The following NEDD4L variants were observed in gnomAD, a reference collection of about 807,000 sequenced individuals.
NEDD4L encodes the protein NEDD4 like E3 ubiquitin protein ligase, also known as E3 ubiquitin-protein ligase NEDD4-like.
In NEDD4L, 54 loss-of-function variants were observed where a neutral mutation model predicts 148.9. The observed-to-expected ratio is 0.36, with a 90% CI of 0.29 to 0.45. The LOEUF (loss-of-function observed/expected upper bound fraction) is 0.45. Among genes scored for constraint, NEDD4L ranks in the 20% least tolerant of loss-of-function variants. The pLI is 1.00. For missense variants in NEDD4L, 856 were observed against 1,233.8 expected (o/e 0.69, Z 4.59); for synonymous variants, 433 against 440.7 (o/e 0.98, Z 0.22).
At chr18:58,275,752 T>A (rs117980843) in intron 5 of NEDD4L, among the ~76,000 whole-genome samples, 1,899 of 152,022 alleles carry the variant, frequency 0.012, 19 homozygotes, top group Middle Eastern at 0.024. Context: ...CGGAGATTTG[T>A]GGGTCGGAGG....
intron 5 of NEDD4L, among the ~76,000 whole-genome samples, chr18:58,275,206 C>T (rs1568544216): frequency 1.3e-5 from 2 of 151,842 alleles, no homozygotes; most frequent in Admixed American, 6.6e-5. Flanking sequence ...CTAGAGAAAA[C>T]GTTAAAAATC....
intron 19 of NEDD4L, among the ~76,000 whole-genome samples, chr18:58,358,739 A>T (rs970010494): frequency 1.3e-5 from 2 of 152,184 alleles, no homozygotes; most frequent in Admixed American, 1.3e-4. Flanking sequence ...TTATCAACTT[A>T]GTGTAGACAT....
chr18:58,161,816 AG>A (rs909476947), intron 1 of NEDD4L, among the ~76,000 whole-genome samples: 7 of 152,070 alleles, frequency 4.6e-5, no homozygotes, highest in African/African-American at 1.7e-4. Flanking sequence ...ATGAGAATGA[AG>A]GCTGCTGAGT....
At chr18:58,161,913 C>T (rs945448345) in intron 1 of NEDD4L, among the ~76,000 whole-genome samples, 1 of 152,032 alleles carries the variant, frequency 6.6e-6, no homozygotes, top group Admixed American at 6.6e-5. Context: ...TATGACTGCA[C>T]CTAACTACAA....
intron 1 of NEDD4L, among the ~76,000 whole-genome samples, chr18:58,142,745 A>G (rs9653063): frequency 6.6e-6 from 1 of 152,248 alleles, no homozygotes; most frequent in East Asian, 1.9e-4. Flanking sequence ...CAGACTGTGA[A>G]GACTCTGGAA....
At position 58,211,577 on chromosome 18, in the gene NEDD4L, C is replaced by T. The variant is rs75011761; in HGVS notation, c.123-33850C>T. ...TTAATAAGTAAATTTCTTGTGATTC[C>T]GGTTAGAATTTCCAAAGTGGTGGGT... On this transcript the variant is annotated intron_variant, in intron 2 of 30. Coordinates refer to ENST00000400345, the MANE Select transcript of NEDD4L (RefSeq NM_001144967.3). Among the ~76,000 whole-genome samples the T allele has an allele frequency of 6.5e-3, 988 of 152,160 alleles. 7 individuals carry two copies. Among genetic ancestry groups the T allele is most frequent in the African/African-American group, 0.023 (944 of 41,504 alleles).
At chr18:58,195,299 T>C in intron 2 of NEDD4L, 1 of 617,014 alleles carries the variant, frequency 1.6e-6, no homozygotes, top group South Asian at 1.9e-5. Flanking sequence ...AAGGGCAGCA[T>C]TGTGGGGCTG....
intron 11 of NEDD4L, among the ~76,000 whole-genome samples, chr18:58,331,704 T>G (rs952009309): frequency 3.9e-5 from 6 of 152,130 alleles, no homozygotes; most frequent in African/African-American, 1.4e-4. Flanking sequence ...CTTAAAAATG[T>G]ACAATAGTAA....
At chr18:58,160,364 G>T (rs4941348) in intron 1 of NEDD4L, among the ~76,000 whole-genome samples, 73,724 of 151,976 alleles carry the variant, frequency 0.49, 18,139 homozygotes, top group Admixed American at 0.56. Flanking sequence ...TGATGAAGAA[G>T]TACAAAATTC....
chr18:58,232,102 A>G (rs141825175), intron 2 of NEDD4L, among the ~76,000 whole-genome samples: 1 of 152,298 alleles, frequency 6.6e-6, no homozygotes, highest in Admixed American at 6.5e-5. Flanking sequence ...AGGGAGAAAC[A>G]TACACCCATA....
chr18:58,336,412 C>T (rs1227944688), intron 13 of NEDD4L, among the ~76,000 whole-genome samples: 3 of 152,032 alleles, frequency 2.0e-5, no homozygotes, highest in Non-Finnish European at 4.4e-5. Context: ...CCCGTCTCTA[C>T]TAAAAGTACA....
chr18:58,346,776 A>G (rs970732710), intron 16 of NEDD4L, among the ~76,000 whole-genome samples: 2 of 152,244 alleles, frequency 1.3e-5, no homozygotes, highest in East Asian at 3.8e-4. Context: ...AGAAACAACC[A>G]GGCACACTTT....
At chr18:58,261,382 G>A (rs956359585) in intron 5 of NEDD4L, among the ~76,000 whole-genome samples, 3 of 152,152 alleles carry the variant, frequency 2.0e-5, no homozygotes, top group African/African-American at 7.2e-5. Flanking sequence ...GGTATAGACT[G>A]AGGCTTTTGA....
At chr18:58,162,361 A>G (rs1386631609) in intron 1 of NEDD4L, among the ~76,000 whole-genome samples, 1 of 151,748 alleles carries the variant, frequency 6.6e-6, no homozygotes, top group Admixed American at 6.6e-5. Flanking sequence ...CCCCCCATCA[A>G]ACGGGGCTTG....
intron 2 of NEDD4L, among the ~76,000 whole-genome samples, chr18:58,223,424 T>TGG (rs1176364093): frequency 6.6e-6 from 1 of 152,122 alleles, no homozygotes; most frequent in Non-Finnish European, 1.5e-5. Flanking sequence ...AGTGGTTTGT[T>TGG]TGGTGGATGT....
intron 1 of NEDD4L, chr18:58,091,180 C>T (rs962611864): frequency 3.9e-5 from 6 of 152,264 alleles, no homozygotes; most frequent in African/African-American, 1.2e-4. Context: ...TCTTCTCAGA[C>T]CTCCTGCTGC....
rs141375419 is a variant in NEDD4L, at chr18:58,099,855, C to T, written c.48+55147C>T. The stretch of plus-strand genomic sequence containing the variant: ...AGCACAGACACAATATAGGAAAACT[C>T]TTCAAGGAAAACCAGCCCCAAATAA... On this transcript the variant is annotated intron_variant, in intron 1 of 30. Coordinates refer to ENST00000400345, the MANE Select transcript of NEDD4L (RefSeq NM_001144967.3). 2.0e-3 allele frequency among the ~76,000 whole-genome samples: 302 copies of T among 152,242 alleles called. 2 individuals are homozygous for T. Among genetic ancestry groups the T allele is most frequent in the African/African-American group, 7.0e-3 (290 of 41,522 alleles).
intron 4 of NEDD4L, among the ~76,000 whole-genome samples, chr18:58,250,357 C>A (rs1483121227): frequency 6.6e-6 from 1 of 152,094 alleles, no homozygotes; most frequent in Non-Finnish European, 1.5e-5. Context: ...ACCATGTTGG[C>A]CAGGCTGGTC....
intron 29 of NEDD4L, 116 bp downstream of exon 29, chr18:58,390,858 G>A (rs2049724879): frequency 6.8e-6 from 5 of 733,950 alleles, no homozygotes; most frequent in South Asian, 4.5e-5. Flanking sequence ...TCAGGACAGT[G>A]TGCCATGCAT....
Sources: gnomAD v4.1 joint callset for allele counts (sites outside exome capture counted in the v4.1 genomes callset) on GRCh38, gnomAD v4.1.1 for gene constraint, MANE v1.5 for transcripts, NCBI Gene and HGNC (gene_info 2026-07-23, HGNC 2026-07-21) for gene names.